Variants in GPC4 observed in about 807,000 individuals in gnomAD.
The protein encoded by GPC4 is glypican 4.
Under a neutral mutation model 35.0 loss-of-function variants are expected in GPC4, and 10 were observed. The observed-to-expected ratio is 0.29, with a 90% CI of 0.18 to 0.48. The LOEUF is 0.48. Among genes scored for constraint, GPC4 ranks in the 20% least tolerant of loss-of-function variants. The pLI, the probability that GPC4 is intolerant of heterozygous loss-of-function variation, is 0.99. For synonymous variants in GPC4, 167 were observed against 170.2 expected, an observed-to-expected ratio of 0.98 and a Z score of 0.15; for missense variants, 322 against 451.3, an observed-to-expected ratio of 0.71 and a Z score of 2.60.
intron 1 of GPC4, among the ~76,000 whole-genome samples, chrX:133,406,441 T>A (rs1256588540): frequency 8.9e-6 from 1 of 112,385 alleles, no homozygotes; most frequent in Non-Finnish European, 1.9e-5. Context: ...TTTAGAATAA[T>A]AGAATCTCAG....
At chrX:133,311,738 A>T (rs958900614) in intron 3 of GPC4, among the ~76,000 whole-genome samples, 18 of 110,265 alleles carry the variant, frequency 1.6e-4, no homozygotes, top group African/African-American at 5.6e-4. Context: ...CAATTATCTC[A>T]AAATCCTTTT....
At chrX:133,309,238 A>T (rs2068304179) in intron 4 of GPC4, among the ~76,000 whole-genome samples, 1 of 112,239 alleles carries the variant, frequency 8.9e-6, no homozygotes, top group Non-Finnish European at 1.9e-5. Context: ...CCAAAAAGTT[A>T]TCACTTAAAA....
intron 6 of GPC4, 143 bp downstream of exon 6, chrX:133,305,629 T>C: frequency 1.3e-6 from 1 of 770,699 alleles, no homozygotes; most frequent in South Asian, 2.6e-5. Context: ...GACAGGCAGA[T>C]TGACTGACAT....
intron 1 of GPC4, among the ~76,000 whole-genome samples, chrX:133,377,382 A>G (rs2068638489): frequency 9.0e-6 from 1 of 111,360 alleles, no homozygotes; most frequent in African/African-American, 3.3e-5. Flanking sequence ...CCACTCCCAT[A>G]TGACCTCATC....
intron 1 of GPC4, among the ~76,000 whole-genome samples, chrX:133,354,870 GTTTTA>G (rs2068534900): frequency 8.9e-6 from 1 of 111,944 alleles, no homozygotes; most frequent in African/African-American, 3.3e-5. Flanking sequence ...GCCCGGCCAT[GTTTTA>G]TTTTTTTAAT....
chrX:133,404,921 G>A (rs952962327), intron 1 of GPC4, among the ~76,000 whole-genome samples: 3 of 106,567 alleles, frequency 2.8e-5, no homozygotes, highest in Non-Finnish European at 5.7e-5. Context: ...AAAAGCCACT[G>A]AATTAATAAT....
intron 1 of GPC4, among the ~76,000 whole-genome samples, chrX:133,352,842 A>G (rs1409452620): frequency 1.8e-5 from 2 of 111,521 alleles, no homozygotes; most frequent in African/African-American, 6.5e-5. Flanking sequence ...TGATTAGCCA[A>G]TTCTTCAACT....
intron 5 of GPC4, 21 bp downstream of exon 5, chrX:133,306,002 TC>T: frequency 1.7e-6 from 2 of 1,211,202 alleles, no homozygotes; most frequent in Non-Finnish European, 2.2e-6. Flanking sequence ...AGCTCCCCTT[TC>T]CAGCATCCTG....
chrX:133,329,170 C>T (rs377432675), intron 2 of GPC4, among the ~76,000 whole-genome samples: 1 of 111,977 alleles, frequency 8.9e-6, no homozygotes, highest in Non-Finnish European at 1.9e-5. Context: ...CTTGCTTGGG[C>T]AAAAGGCCTA....
chrX:133,367,693 C>T (rs1219534442), intron 1 of GPC4, among the ~76,000 whole-genome samples: 2 of 111,271 alleles, frequency 1.8e-5, no homozygotes, highest in Non-Finnish European at 3.8e-5. Context: ...CATAGCAAGG[C>T]CCAGTCTCTA....
At chrX:133,375,349 A>C (rs2068628912) in intron 1 of GPC4, among the ~76,000 whole-genome samples, 1 of 111,933 alleles carries the variant, frequency 8.9e-6, no homozygotes, top group African/African-American at 3.3e-5. Context: ...TTTTTTGTAC[A>C]TTTACACTAA....
Position 133,302,822 on chromosome X carries a change from T to C in GPC4, c.*45A>G. 1 of 1,138,848 alleles carries C rather than the reference T, an allele frequency of 8.8e-7. No individual in the cohort carries two copies. The highest frequency in any genetic ancestry group is 1.2e-6 in the Non-Finnish European group (1 of 832,165). The allele number at this position is 1,138,848 out of a possible 1,213,427, so 93.9% of individuals were successfully genotyped here. ...AGGATGGTAGAAAAGTGATAACTGG[T>C]GCCTTTTAACTTTTTGATGAACACT... On this transcript the variant is annotated 3_prime_UTR_variant, in exon 9 of 9. Coordinates refer to ENST00000370828, the MANE Select transcript of GPC4 (RefSeq NM_001448.3).
At chrX:133,382,424 C>CA (rs1284709655) in intron 1 of GPC4, among the ~76,000 whole-genome samples, 836 of 15,222 alleles carry the variant, frequency 0.055, 72 homozygotes, top group African/African-American at 0.15. Context: ...GACTCCGTCT[C>CA]AAAAAAAAAA....
At chrX:133,310,269 C>T (rs985872820) in intron 4 of GPC4, among the ~76,000 whole-genome samples, 2 of 111,509 alleles carry the variant, frequency 1.8e-5, no homozygotes, top group East Asian at 2.8e-4. Flanking sequence ...CACTCAAATT[C>T]GGCAATTATG....
chrX:133,370,303 T>C (rs2068606929), intron 1 of GPC4, among the ~76,000 whole-genome samples: 1 of 111,975 alleles, frequency 8.9e-6, no homozygotes, highest in Non-Finnish European at 1.9e-5. Context: ...AAACAAAACA[T>C]GGCTGGAGGG....
chrX:133,384,235 T>C (rs2068677582), intron 1 of GPC4, among the ~76,000 whole-genome samples: 2 of 111,544 alleles, frequency 1.8e-5, no homozygotes, highest in South Asian at 3.8e-4. Context: ...GAAGGAATAG[T>C]GCTATTGATT....
chrX:133,344,047 T>C (rs912344568), intron 1 of GPC4, among the ~76,000 whole-genome samples: 1 of 109,597 alleles, frequency 9.1e-6, no homozygotes, highest in African/African-American at 3.3e-5. Flanking sequence ...CTAATGTTCG[T>C]TTATTTTCAG....
At chrX:133,383,380 T>C (rs2068672285) in intron 1 of GPC4, among the ~76,000 whole-genome samples, 1 of 111,365 alleles carries the variant, frequency 9.0e-6, no homozygotes, top group Non-Finnish European at 1.9e-5. Flanking sequence ...GACATAACTA[T>C]AGAGACAGTC....
At position 133,319,443 on chromosome X, in the gene GPC4, C is replaced by CAAAA. The variant is rs369290840; in HGVS notation, c.711+4698_711+4701dup. Among the ~76,000 whole-genome samples the CAAAA allele has an allele frequency of 3.3e-3, 55 of 16,672 alleles. 1 individual carries two copies. Among genetic ancestry groups the CAAAA allele is most frequent in the Non-Finnish European group, 4.5e-3 (40 of 8,908 alleles). 14.5% of individuals were successfully genotyped at this position (16,672 alleles called of 115,157 possible). A position where few individuals can be genotyped will look rare whatever the true frequency, so the allele number is the denominator to read the frequency against. ...TGGGTGACAGAGCAAGACCCTATGT[C>CAAAA]AAAAAAAAAAAAAAAAAAAAAAAAA... On this transcript the variant is annotated intron_variant, in intron 3 of 8. Transcript: ENST00000370828.
Sources: allele counts gnomAD v4.1 joint callset (sites outside exome capture counted in the v4.1 genomes callset), GRCh38; gene constraint gnomAD v4.1.1; transcripts MANE v1.5; gene names NCBI Gene and HGNC (gene_info 2026-07-23, HGNC 2026-07-21).